Variants in CUX2 observed in about 807,000 individuals in gnomAD.
CUX2 encodes the protein homeobox protein cut-like 2.
A neutral mutation model predicts 144.8 loss-of-function variants in CUX2; 40 were observed. The ratio of observed to expected loss-of-function variants is 0.28; its 90% CI spans 0.21 to 0.36. The LOEUF is 0.36. Among genes scored for constraint, CUX2 ranks in the 10% least tolerant of loss-of-function variants. CUX2 has a pLI of 1.00. For synonymous variants in CUX2, 827 were observed against 875.6 expected, an observed-to-expected ratio of 0.94 and a Z score of 0.98; for missense variants, 1,615 against 1,994.0, an observed-to-expected ratio of 0.81 and a Z score of 3.62.
intron 1 of CUX2, among the ~76,000 whole-genome samples, chr12:111,042,884 A>G (rs1869819077): frequency 6.6e-6 from 1 of 150,862 alleles, no homozygotes. Context: ...GATTCTCCCA[A>G]CTCAACCTCT....
At chr12:111,070,390 TTCTTTCCTTCCTTCC>T (rs1871206955) in intron 1 of CUX2, among the ~76,000 whole-genome samples, 1 of 71,862 alleles carries the variant, frequency 1.4e-5, no homozygotes, top group Admixed American at 1.3e-4. Flanking sequence ...CCTTCCTTCC[TTCTTTCCTTCCTTCC>T]TTCCTTCCTT....
chr12:111,122,156 C>T (rs994064380), intron 1 of CUX2, among the ~76,000 whole-genome samples: 1 of 152,160 alleles, frequency 6.6e-6, no homozygotes, highest in Non-Finnish European at 1.5e-5. Context: ...AGCCTGATGC[C>T]TTTAATCCTC....
At position 111,296,440 on chromosome 12, in the gene CUX2, G is replaced by T. The variant is rs773904716; in HGVS notation, c.638-33G>T. The T allele has an allele frequency of 3.2e-6, 5 of 1,581,154 alleles. No homozygotes were observed. The South Asian group carries it at 5.7e-5, about 18-fold the overall frequency. ...AGACCCAGCTCCTTCCCACTCGGAGGTGGGGCCTCACCCTGCCTCTGCTTT... is the reference window on the plus strand; with the variant it reads ...AGACCCAGCTCCTTCCCACTCGGAGTTGGGGCCTCACCCTGCCTCTGCTTT... On this transcript the variant is annotated intron_variant, in intron 7 of 21. Coordinates refer to ENST00000261726, the MANE Select transcript of CUX2 (RefSeq NM_015267.4).
In CUX2 at chr12:111,255,856, G is replaced by C. The variant is rs1365105342; in HGVS notation, c.223-7905G>C. ...TTTCCGGGTGGTAGGAAATCAGAAG[G>C]GTGCTGTAAAGAAAAGGGATCTTTC... On this transcript the variant is annotated intron_variant, in intron 3 of 21. Transcript: ENST00000261726. The surrounding 1 kb of genome is among the most constrained non-coding windows in gnomAD (Gnocchi z 4.1). 6.6e-6 allele frequency among the ~76,000 whole-genome samples: 1 copy of C among 152,124 alleles called. No individual in the cohort carries two copies.
At chr12:111,185,165 A>G (rs111518185) in intron 1 of CUX2, among the ~76,000 whole-genome samples, 2,287 of 152,334 alleles carry the variant, frequency 0.015, 50 homozygotes, top group African/African-American at 0.051. Context: ...TAAGTAAAGT[A>G]TCTTTAGAAG....
intron 20 of CUX2, among the ~76,000 whole-genome samples, chr12:111,339,239 A>G (rs1011013611): frequency 6.6e-5 from 10 of 151,994 alleles, no homozygotes; most frequent in Admixed American, 2.6e-4. Context: ...CAAAAAAAAA[A>G]AGAAAGAAAC....
Position 111,287,892 on chromosome 12 carries a change from T to C in CUX2, c.302-3526T>C, listed in dbSNP as rs568015127. ...TCAGCAGATCTTTGTTGGGTTGGAC[T>C]GTGGGTCATACTTCATGGTAGGTAG... On this transcript the variant is annotated intron_variant, in intron 4 of 21. Transcript: ENST00000261726. This position sits in a 1 kb window ranked among gnomAD's most constrained non-coding sequence, Gnocchi z 4.2. Among the ~76,000 whole-genome samples, 1 of 152,246 alleles carries C rather than the reference T, an allele frequency of 6.6e-6. No individual in the cohort carries two copies. The highest frequency in any genetic ancestry group is 1.5e-5 in the Non-Finnish European group (1 of 68,044).
chr12:111,114,138 G>A (rs186407113), intron 1 of CUX2, among the ~76,000 whole-genome samples: 198 of 152,272 alleles, frequency 1.3e-3, no homozygotes, highest in African/African-American at 4.2e-3. Context: ...ATAAGTGCAT[G>A]TTTAACTTTT....
intron 3 of CUX2, among the ~76,000 whole-genome samples, chr12:111,227,414 A>G (rs1445157795): frequency 6.6e-6 from 1 of 151,940 alleles, no homozygotes; most frequent in Non-Finnish European, 1.5e-5. Context: ...TAAAATGGGG[A>G]CCTACCTCCT....
At chr12:111,248,131 C>T (rs1883371250) in intron 3 of CUX2, among the ~76,000 whole-genome samples, 1 of 152,210 alleles carries the variant, frequency 6.6e-6, no homozygotes, top group Non-Finnish European at 1.5e-5. Flanking sequence ...GAACTCCTGA[C>T]CTCAGGTGAT....
chr12:111,233,181 C>T (rs1443950420), intron 3 of CUX2, among the ~76,000 whole-genome samples: 1 of 152,180 alleles, frequency 6.6e-6, no homozygotes, highest in Non-Finnish European at 1.5e-5. Context: ...GTGGTCTGAG[C>T]TCCCAGGTCT....
chr12:111,307,338 C>G lies in CUX2; in HGVS notation c.1109+81C>G. 7.9e-7 allele frequency: 1 copy of G among 1,268,582 alleles called. No individual in the cohort carries two copies. 78.6% of individuals were successfully genotyped at this position (1,268,582 alleles called of 1,614,324 possible). A position where few individuals can be genotyped will look rare whatever the true frequency, so the allele number is the denominator to read the frequency against. On this transcript the variant is annotated intron_variant, in intron 12 of 21. Transcript: ENST00000261726. The surrounding 1 kb of genome is among the most constrained non-coding windows in gnomAD (Gnocchi z 4.1). ...TCTTGGCAAAGTTCATCATCTTCCT[C>G]CCTCCTACTAAACCCCATTTGTTCT...
intron 4 of CUX2, among the ~76,000 whole-genome samples, chr12:111,266,622 A>G (rs866657772): frequency 6.6e-6 from 1 of 152,136 alleles, no homozygotes; most frequent in Non-Finnish European, 1.5e-5. Flanking sequence ...GACAAGAAGG[A>G]TCCTTCCCTA....
At chr12:111,227,263 G>A (rs1219986599) in intron 3 of CUX2, among the ~76,000 whole-genome samples, 1 of 152,204 alleles carries the variant, frequency 6.6e-6, no homozygotes, top group African/African-American at 2.4e-5. Flanking sequence ...GGGGGTGAAA[G>A]GGTGAGTGCA....
At chr12:111,139,050 C>G (rs1439088781) in intron 1 of CUX2, among the ~76,000 whole-genome samples, 2 of 151,634 alleles carry the variant, frequency 1.3e-5, no homozygotes, top group Admixed American at 1.3e-4. Context: ...CGACCCAAGA[C>G]AGAATCCCAT....
chr12:111,238,889 A>T (rs1446383247), intron 3 of CUX2, among the ~76,000 whole-genome samples: 1 of 152,168 alleles, frequency 6.6e-6, no homozygotes, highest in African/African-American at 2.4e-5. Context: ...TACTAAAAAT[A>T]CAAAAATGAG....
intron 1 of CUX2, among the ~76,000 whole-genome samples, chr12:111,063,349 A>G (rs1870870541): frequency 6.8e-6 from 1 of 147,890 alleles, no homozygotes. Context: ...TCCCCCCACC[A>G]CCCTGCAGTC....
rs891101504 is a variant in CUX2, at chr12:111,320,058, G to T, written c.2049G>T (p.Thr683=). 1.9e-6 allele frequency: 3 copies of T among 1,544,650 alleles called. No individual in the cohort carries two copies. In the South Asian group the frequency reaches 3.6e-5, roughly 18 times the overall value. Residue 683 remains threonine (T), a synonymous_variant, in exon 17 of 22, where the codon ACG becomes ACT. Coordinates refer to ENST00000261726, the MANE Select transcript of CUX2 (RefSeq NM_015267.4). The surrounding 1 kb of genome is among the most constrained non-coding windows in gnomAD (Gnocchi z 8.1). ...SVAPLSIANG[T]TPASTSEDAI... is the part of the protein sequence containing the mutation. Reference sequence around the variant, plus strand: ...CCCCGCTGAGCATCGCCAACGGCACGACCCCCGCCAGCACCTCGGAGGACG... The same window carrying T: ...CCCCGCTGAGCATCGCCAACGGCACTACCCCCGCCAGCACCTCGGAGGACG...
In CUX2 at chr12:111,188,208, A is replaced by T. The variant is rs544347116; in HGVS notation, c.64-25992A>T. ...TGTACTTTGTGGAATGGATTTTTCT[A>T]CGTCAATAGACAGGTTACTAACACA... On this transcript the variant is annotated intron_variant, in intron 1 of 21. Coordinates refer to ENST00000261726, the MANE Select transcript of CUX2 (RefSeq NM_015267.4). Among the ~76,000 whole-genome samples, 8 of 152,366 alleles carry T rather than the reference A, an allele frequency of 5.3e-5. No homozygotes were observed. In the South Asian group the frequency reaches 1.7e-3, roughly 32 times the overall value.
Sources: allele counts gnomAD v4.1 joint callset (sites outside exome capture counted in the v4.1 genomes callset), GRCh38; gene constraint gnomAD v4.1.1; non-coding constraint Gnocchi (gnomAD v3.1); transcripts MANE v1.5; gene names NCBI Gene and HGNC (gene_info 2026-07-23, HGNC 2026-07-21).